Variants in TMEFF2 observed in about 807,000 individuals in gnomAD.
The protein encoded by TMEFF2 is tomoregulin-2.
A neutral mutation model predicts 53.8 loss-of-function variants in TMEFF2; 28 were observed. The ratio of observed to expected loss-of-function variants is 0.52; its 90% CI spans 0.39 to 0.71. The LOEUF (loss-of-function observed/expected upper bound fraction) is 0.71. TMEFF2 is among the 30% of genes least tolerant of loss of function. The pLI, the probability that TMEFF2 is intolerant of heterozygous loss-of-function variation, is 0.00. For synonymous variants in TMEFF2, 162 were observed against 166.3 expected (o/e 0.97, Z 0.20); for missense variants, 353 against 455.2 (o/e 0.78, Z 2.04).
intron 4 of TMEFF2, among the ~76,000 whole-genome samples, chr2:192,116,186 C>T (rs1172109236): frequency 6.6e-6 from 1 of 151,894 alleles, no homozygotes; most frequent in Non-Finnish European, 1.5e-5. Flanking sequence ...CCATTTGCAA[C>T]AATATGGATG....
Position 192,000,684 on chromosome 2 carries a change from A to C in TMEFF2, c.537-1476T>G, listed in dbSNP as rs980772380. ...TACACACCAGTGCATCTCAGAGTGT[A>C]GTCCTTAGACCATCTGTGTCAGAAT... On this transcript the variant is annotated intron_variant, in intron 5 of 9. Transcript: ENST00000272771. Among the ~76,000 whole-genome samples the C allele has an allele frequency of 5.3e-5, 8 of 152,338 alleles. No individual in the cohort carries two copies. The East Asian group carries it at 7.7e-4, about 15-fold the overall frequency.
At chr2:192,155,820 G>C (rs533949134) in intron 4 of TMEFF2, among the ~76,000 whole-genome samples, 3 of 152,074 alleles carry the variant, frequency 2.0e-5, no homozygotes, top group Non-Finnish European at 4.4e-5. Flanking sequence ...GAAGAAAAAA[G>C]ATGAGGCCTA....
intron 4 of TMEFF2, among the ~76,000 whole-genome samples, chr2:192,076,071 A>T (rs1440998259): frequency 6.6e-6 from 1 of 152,132 alleles, no homozygotes; most frequent in African/African-American, 2.4e-5. Context: ...GTGTGTTAGC[A>T]GCCACACATT....
chr2:192,081,020 T>C (rs1330241882), intron 4 of TMEFF2, among the ~76,000 whole-genome samples: 1 of 152,214 alleles, frequency 6.6e-6, no homozygotes, highest in African/African-American at 2.4e-5. Context: ...AAAGATGGTA[T>C]AGAAATGTTA....
At chr2:191,952,582 G>A (rs1286389985) in intron 9 of TMEFF2, among the ~76,000 whole-genome samples, 1 of 152,048 alleles carries the variant, frequency 6.6e-6, no homozygotes, top group Admixed American at 6.6e-5. Context: ...TCGAGTTGAT[G>A]AACTCAACTC....
intron 7 of TMEFF2, among the ~76,000 whole-genome samples, chr2:191,957,094 C>T (rs948842483): frequency 2.0e-5 from 3 of 152,148 alleles, no homozygotes; most frequent in Non-Finnish European, 4.4e-5. Context: ...AACGAATAAA[C>T]GTGGATTCTA....
At chr2:192,152,746 C>T (rs1239777891) in intron 4 of TMEFF2, among the ~76,000 whole-genome samples, 1 of 151,870 alleles carries the variant, frequency 6.6e-6, no homozygotes, top group Non-Finnish European at 1.5e-5. Flanking sequence ...CAACTAACAA[C>T]TGTATTTGTC....
chr2:191,991,915 C>T (rs888954868), intron 7 of TMEFF2, among the ~76,000 whole-genome samples: 24 of 151,982 alleles, frequency 1.6e-4, no homozygotes, highest in African/African-American at 5.6e-4. Context: ...AGATGACTGG[C>T]TACATGATTT....
At chr2:192,076,892 T>C (rs537677569) in intron 4 of TMEFF2, among the ~76,000 whole-genome samples, 68 of 152,240 alleles carry the variant, frequency 4.5e-4, no homozygotes, top group African/African-American at 1.5e-3. Context: ...GGAGTGAAGA[T>C]CAAGCTCAGG....
intron 4 of TMEFF2, among the ~76,000 whole-genome samples, chr2:192,084,440 C>A (rs981647485): frequency 6.6e-6 from 1 of 151,532 alleles, no homozygotes; most frequent in African/African-American, 2.4e-5. Context: ...TAATAGTTAA[C>A]CTAAGCATCC....
chr2:192,001,895 G>A (rs1686372328), intron 5 of TMEFF2, among the ~76,000 whole-genome samples: 1 of 152,124 alleles, frequency 6.6e-6, no homozygotes, highest in African/African-American at 2.4e-5. Context: ...CAGACAGAAA[G>A]ATAAAATTTG....
At chr2:191,993,453 A>G (rs1052024984) in intron 7 of TMEFF2, among the ~76,000 whole-genome samples, 8 of 152,062 alleles carry the variant, frequency 5.3e-5, no homozygotes, top group African/African-American at 1.7e-4. Context: ...AGCTAGACTC[A>G]GAGATAGGGA....
At chr2:192,023,408 C>T (rs1346130091) in intron 5 of TMEFF2, among the ~76,000 whole-genome samples, 1 of 152,146 alleles carries the variant, frequency 6.6e-6, no homozygotes, top group African/African-American at 2.4e-5. Context: ...ACTGTAATTT[C>T]TGCCTGAGTT....
chr2:191,988,133 T>C (rs961799462), intron 7 of TMEFF2, among the ~76,000 whole-genome samples: 5 of 152,216 alleles, frequency 3.3e-5, no homozygotes, highest in African/African-American at 1.2e-4. Context: ...TAAGCATTAA[T>C]AGTTGCCTAT....
chr2:192,036,020 A>G (rs1687283740), intron 5 of TMEFF2: 1 of 152,266 alleles, frequency 6.6e-6, no homozygotes, highest in Non-Finnish European at 1.5e-5. Flanking sequence ...CAAATGACAC[A>G]GTAAAAGTGA....
At chr2:192,081,255 T>A (rs192611407) in intron 4 of TMEFF2, among the ~76,000 whole-genome samples, 70 of 152,352 alleles carry the variant, frequency 4.6e-4, no homozygotes, top group Admixed American at 7.8e-4. Flanking sequence ...TCTTGAAGAT[T>A]TCTCTGAAAA....
chr2:191,974,835 C>A (rs1348313380), intron 7 of TMEFF2, among the ~76,000 whole-genome samples: 1 of 151,818 alleles, frequency 6.6e-6, no homozygotes, highest in Non-Finnish European at 1.5e-5. Flanking sequence ...GTTAGTTGGC[C>A]AGTGGTTAAT....
intron 5 of TMEFF2, among the ~76,000 whole-genome samples, chr2:192,031,120 G>A (rs987788968): frequency 2.6e-5 from 4 of 152,060 alleles, no homozygotes; most frequent in Admixed American, 6.5e-5. Context: ...GCCTTCCTTG[G>A]TCATCCTATC....
At chr2:192,177,992 T>C (rs1421139213) in intron 4 of TMEFF2, 2 of 150,896 alleles carry the variant, frequency 1.3e-5, no homozygotes, top group African/African-American at 2.4e-5. Context: ...TATGGTAGGA[T>C]AGTCAAGCAG....
Sources: allele counts gnomAD v4.1 joint callset (sites outside exome capture counted in the v4.1 genomes callset), GRCh38; gene constraint gnomAD v4.1.1; transcripts MANE v1.5; gene names NCBI Gene and HGNC (gene_info 2026-07-23, HGNC 2026-07-21).